FARS2: variants seen among roughly 807,000 people sequenced by gnomAD.
FARS2 encodes phenylalanyl-tRNA synthetase 2, mitochondrial, also known as phenylalanine--tRNA ligase, mitochondrial.
FARS2 carries 40 observed loss-of-function variants against 46.4 expected under a neutral mutation model. The ratio of observed to expected loss-of-function variants is 0.86; its 90% CI spans 0.67 to 1.12. FARS2 has a LOEUF of 1.12. FARS2 is among the 50% of genes most tolerant of loss of function. FARS2 has a pLI of 0.00. For missense variants in FARS2, 513 were observed against 567.9 expected (o/e 0.90, Z 0.98); for synonymous variants, 234 against 214.9 (o/e 1.09, Z -0.78).
intron 3 of FARS2, among the ~76,000 whole-genome samples, chr6:5,426,360 A>C (rs1582070591): frequency 6.6e-6 from 1 of 152,274 alleles, no homozygotes; most frequent in South Asian, 2.1e-4. Flanking sequence ...TTTTTAGTAA[A>C]TATTCTGACT....
chr6:5,546,312 G>A (rs1023937337), intron 5 of FARS2, among the ~76,000 whole-genome samples: 27 of 146,024 alleles, frequency 1.8e-4, no homozygotes, highest in Non-Finnish European at 2.7e-4. Context: ...GCTGGAGTGC[G>A]CGATCTTGGC....
At chr6:5,377,794 G>A (rs1038427569) in intron 2 of FARS2, among the ~76,000 whole-genome samples, 1 of 152,120 alleles carries the variant, frequency 6.6e-6, no homozygotes, top group Admixed American at 6.5e-5. Context: ...TTTCCTGAGT[G>A]TTAAAATGCA....
At chr6:5,260,516 C>A, upstream of FARS2, 3 of 1,244,616 alleles carry the variant, frequency 2.4e-6, no homozygotes, top group African/African-American at 3.0e-5. Flanking sequence ...GATGGCGGAG[C>A]CCGGTCCTTG....
At chr6:5,355,576 C>T (rs1757865727) in intron 1 of FARS2, among the ~76,000 whole-genome samples, 1 of 151,922 alleles carries the variant, frequency 6.6e-6, no homozygotes, top group Non-Finnish European at 1.5e-5. Context: ...CCAGGCTGGT[C>T]TTGAACTCCT....
chr6:5,609,971 G>A, intron 5 of FARS2: 1 of 1,270,554 alleles, frequency 7.9e-7, no homozygotes, highest in East Asian at 2.3e-5. Context: ...TCCACCTTGT[G>A]TGGCCTTGCA....
At chr6:5,652,071 C>T (rs971095348) in intron 6 of FARS2, among the ~76,000 whole-genome samples, 2 of 152,124 alleles carry the variant, frequency 1.3e-5, no homozygotes, top group East Asian at 3.9e-4. Flanking sequence ...CAGGAGTCTC[C>T]GCATGCCCAC....
At chr6:5,593,030 A>G (rs531793159) in intron 5 of FARS2, among the ~76,000 whole-genome samples, 2 of 151,638 alleles carry the variant, frequency 1.3e-5, no homozygotes, top group East Asian at 1.9e-4. Flanking sequence ...TCTGGCCCTC[A>G]CCCTCCTCCC....
chr6:5,357,878 TGAA>T (rs1268910415), intron 1 of FARS2, among the ~76,000 whole-genome samples: 1 of 152,216 alleles, frequency 6.6e-6, no homozygotes, highest in Non-Finnish European at 1.5e-5. Flanking sequence ...AAAAGAGTAA[TGAA>T]GAAACGGCTT....
chr6:5,540,466 C>T (rs890673298), intron 4 of FARS2, among the ~76,000 whole-genome samples: 4 of 152,174 alleles, frequency 2.6e-5, no homozygotes, highest in African/African-American at 9.7e-5. Context: ...TTGTGAACAT[C>T]GTGTAAACTT....
intron 1 of FARS2, among the ~76,000 whole-genome samples, chr6:5,359,304 G>A (rs1239467949): frequency 2.6e-5 from 4 of 152,086 alleles, no homozygotes; most frequent in African/African-American, 7.2e-5. Flanking sequence ...GCCTCCCAAA[G>A]TGCTGGCATT....
chr6:5,621,820 C>G (rs571858106), intron 6 of FARS2, among the ~76,000 whole-genome samples: 15 of 152,326 alleles, frequency 9.8e-5, no homozygotes, highest in Admixed American at 3.9e-4. Context: ...AACTGGAAAG[C>G]TCTTCAGAAC....
chr6:5,624,450 A>G (rs1054109707), intron 6 of FARS2, among the ~76,000 whole-genome samples: 6 of 152,148 alleles, frequency 3.9e-5, no homozygotes, highest in Non-Finnish European at 7.3e-5. Flanking sequence ...CTGCAGAGAG[A>G]AGGGCAGAGG....
chr6:5,474,243 G>C (rs1275265969), intron 4 of FARS2, among the ~76,000 whole-genome samples: 2 of 152,156 alleles, frequency 1.3e-5, no homozygotes, highest in African/African-American at 4.8e-5. Flanking sequence ...TTGTTCATTT[G>C]TTTGTTCATT....
chr6:5,724,022 G>A (rs1760094410), intron 6 of FARS2, among the ~76,000 whole-genome samples: 1 of 152,192 alleles, frequency 6.6e-6, no homozygotes, highest in East Asian at 1.9e-4. Flanking sequence ...AGTGGGCTCG[G>A]CGGGAAAGGA....
chr6:5,355,518 G>A (rs968594544), intron 1 of FARS2, among the ~76,000 whole-genome samples: 12 of 151,350 alleles, frequency 7.9e-5, no homozygotes, highest in African/African-American at 9.7e-5. Context: ...CACCATGCCC[G>A]GCTAATTTTT....
intron 6 of FARS2, among the ~76,000 whole-genome samples, chr6:5,623,723 ATAAAT>A (rs754003109): frequency 4.1e-5 from 5 of 122,712 alleles, no homozygotes; most frequent in Non-Finnish European, 5.6e-5. Flanking sequence ...AAAAAAATAA[ATAAAT>A]AAAATAAAGA....
At chr6:5,436,191 A>C (rs1763512632) in intron 4 of FARS2, among the ~76,000 whole-genome samples, 1 of 152,240 alleles carries the variant, frequency 6.6e-6, no homozygotes, top group Non-Finnish European at 1.5e-5. Context: ...ATCAGGATGG[A>C]ATATTGATGC....
intron 6 of FARS2, 40 bp downstream of exon 6, chr6:5,613,360 T>C: frequency 6.3e-7 from 1 of 1,575,408 alleles, no homozygotes; most frequent in Non-Finnish European, 8.7e-7. Context: ...TGACTATCTC[T>C]GTGTGATAAA....
At position 5,574,520 on chromosome 6, in the gene FARS2, T is replaced by C. The variant is rs527277183; in HGVS notation, c.1065+29180T>C. On this transcript the variant is annotated intron_variant, in intron 5 of 6. Coordinates refer to ENST00000274680, the MANE Select transcript of FARS2 (RefSeq NM_006567.5). ...AGGAAGAGAGTGGTTAAATGCATTA[T>C]GCAGAATGTGTAAAAGAAATACTTT... 1.7e-3 allele frequency among the ~76,000 whole-genome samples: 258 copies of C among 152,330 alleles called. 2 individuals are homozygous for C. The highest frequency in any genetic ancestry group is 2.9e-3 in the South Asian group (14 of 4,826).
Sources: allele counts gnomAD v4.1 joint callset (sites outside exome capture counted in the v4.1 genomes callset), GRCh38; gene constraint gnomAD v4.1.1; transcripts MANE v1.5; gene names NCBI Gene and HGNC (gene_info 2026-07-23, HGNC 2026-07-21).